The following ERCC4 variants were observed in gnomAD, a reference collection of about 807,000 sequenced individuals.
The protein encoded by ERCC4 is ERCC excision repair 4, endonuclease catalytic subunit, also known as DNA repair endonuclease XPF.
Under a neutral mutation model 76.9 loss-of-function variants are expected in ERCC4, and 65 were observed. The ratio of observed to expected loss-of-function variants is 0.84; its 90% confidence interval spans 0.69 to 1.04. The LOEUF (loss-of-function observed/expected upper bound fraction) is 1.04, where lower values mean the gene tolerates loss of function less well. Ranked by LOEUF, ERCC4 falls within the 50% of genes least tolerant of loss-of-function variation. ERCC4 has a pLI of 0.00. For missense variants in ERCC4, 1,214 were observed against 1,128.2 expected (o/e 1.08, Z -1.09); for synonymous variants, 463 against 410.1 (o/e 1.13, Z -1.56).
chr16:13,924,432 T>C (rs1260299912), intron 2 of ERCC4, among the ~76,000 whole-genome samples: 3 of 152,208 alleles, frequency 2.0e-5, no homozygotes, highest in Admixed American at 6.5e-5. Context: ...ATATATGTAT[T>C]TTTCAGTTAC....
At position 13,934,208 on chromosome 16, in the gene ERCC4, G is replaced by A; in HGVS notation, c.1119G>A (p.Leu373=). 1.2e-6 allele frequency: 2 copies of A among 1,610,272 alleles called. No individual in the cohort carries two copies. Among genetic ancestry groups the A allele is most frequent in the Non-Finnish European group, 1.7e-6 (2 of 1,177,230 alleles). The change falls in exon 7 of 11, where the codon CTG becomes CTA. Residue 373 remains leucine, a synonymous_variant. Transcript: ENST00000311895. ...TCTCTACAGAAACAAAAAAGGAACT[G>A]GTCCTAGAAAGCAACCCAAAGTGGG... ...IKEGEETKKE[L]VLESNPKWEA...
rs763789717 is a variant in ERCC4, at chr16:13,932,164, G to A, written c.981G>A (p.Leu327=). 1.2e-6 allele frequency: 2 copies of A among 1,613,448 alleles called. No individual in the cohort carries two copies. The highest frequency in any genetic ancestry group is 1.7e-6 in the Non-Finnish European group (2 of 1,179,480). Residue 327 remains leucine, a synonymous_variant, in exon 6 of 11, where the codon CTG becomes CTA. Coordinates refer to ENST00000311895, the MANE Select transcript of ERCC4 (RefSeq NM_005236.3). ...EKAFGQNSGW[L]FLDSSTSMFI... is the part of the protein sequence containing the mutation. ...TTTAACTTTTCGTATTAGGTTGGCT[G>A]TTTCTTGACTCCAGCACCTCGATGT...
At position 13,935,031 on chromosome 16, in the gene ERCC4, A is replaced by C. The variant is rs942365751; in HGVS notation, c.1214-115A>C. On this transcript the variant is annotated intron_variant, in intron 7 of 10. Transcript: ENST00000311895. ...TTTTTAAATAGTTTGTAAATTGTGGATCTTTAATACCAAAGGGTAAGATGT... is the reference window on the plus strand; with the variant it reads ...TTTTTAAATAGTTTGTAAATTGTGGCTCTTTAATACCAAAGGGTAAGATGT... 3.9e-5 allele frequency: 32 copies of C among 822,642 alleles called. No homozygotes were observed. The African/African-American group carries it at 5.2e-4, about 13-fold the overall frequency. The allele number at this position is 822,642 out of a possible 1,614,324, so 51.0% of individuals were successfully genotyped here.
At chr16:13,923,098 T>TA (rs1397612385) in intron 2 of ERCC4, among the ~76,000 whole-genome samples, 1 of 152,212 alleles carries the variant, frequency 6.6e-6, no homozygotes, top group African/African-American at 2.4e-5. Flanking sequence ...TAGCTAGAAT[T>TA]AAATAGAAAA....
chr16:13,920,727 G>A (rs935619859), intron 1 of ERCC4, among the ~76,000 whole-genome samples: 6 of 152,026 alleles, frequency 3.9e-5, no homozygotes, highest in African/African-American at 1.4e-4. Flanking sequence ...GAGAGGGAAG[G>A]GAGGGGTCCC....
intron 2 of ERCC4, chr16:13,922,609 G>T: frequency 1.6e-6 from 1 of 622,956 alleles, no homozygotes; most frequent in South Asian, 1.6e-5. Context: ...GGCACAGTTC[G>T]TGCAGCAAAT....
intron 5 of ERCC4, chr16:13,931,856 C>T (rs1172769868): frequency 1.2e-5 from 4 of 321,874 alleles, no homozygotes; most frequent in East Asian, 1.0e-4. Flanking sequence ...CTTGCTTTTA[C>T]GCCATCACTG....
intron 9 of ERCC4, among the ~76,000 whole-genome samples, chr16:13,941,742 A>T (rs984368297): frequency 6.6e-6 from 1 of 152,234 alleles, no homozygotes; most frequent in African/African-American, 2.4e-5. Flanking sequence ...CTCAGTATAC[A>T]TAGCTTTGAG....
rs146218392 is a variant in ERCC4 at position 13,937,962 on chromosome 16, T to C, written c.1904+104T>C. The C allele has an allele frequency of 1.1e-3, 844 of 763,332 alleles. 8 individuals are homozygous for C. Among genetic ancestry groups the C allele is most frequent in the South Asian group, 1.5e-3 (102 of 70,150 alleles). The allele number at this position is 763,332 out of a possible 1,614,324, so 47.3% of individuals were successfully genotyped here. A position where few individuals can be genotyped will look rare whatever the true frequency, so the allele number is the denominator to read the frequency against. ...CAGGAAGGATAGGGCAAGGAAGACG[T>C]TGGAGAGGATCACATTGAGATAAAC... On this transcript the variant is annotated intron_variant, in intron 9 of 10. Coordinates refer to ENST00000311895, the MANE Select transcript of ERCC4 (RefSeq NM_005236.3).
At chr16:13,920,700 C>T (rs1002685555) in intron 1 of ERCC4, among the ~76,000 whole-genome samples, 1 of 151,856 alleles carries the variant, frequency 6.6e-6, no homozygotes, top group South Asian at 2.1e-4. Flanking sequence ...CAGTCCCTGA[C>T]ACTGTGCGGG....
chr16:13,920,472 G>T (rs1275698705), intron 1 of ERCC4, 100 bp downstream of exon 1: 1 of 1,085,898 alleles, frequency 9.2e-7, no homozygotes. Flanking sequence ...GCTCTGAGGG[G>T]GATTCAGGCC....
rs777006157 is a variant in ERCC4, at chr16:13,935,694, G to A, written c.1762G>A (p.Val588Ile). The A allele has an allele frequency of 7.0e-5, 113 of 1,614,058 alleles. No homozygotes were observed. Among genetic ancestry groups the A allele is most frequent in the Non-Finnish European group, 9.0e-5 (106 of 1,180,034 alleles). Reference sequence around the variant, plus strand: ...TCTTTATGACGCAGAGCTAACCTTTGTTCGGCAGCTTGAAATTTACAGGGC... The same window carrying A: ...TCTTTATGACGCAGAGCTAACCTTTATTCGGCAGCTTGAAATTTACAGGGC... ...VVLYDAELTF[V>I]RQLEIYRASR... The change falls in exon 8 of 11, where the codon GTT becomes ATT. Residue 588 changes from valine to isoleucine, a missense_variant. Transcript: ENST00000311895.
chr16:13,947,465 T>C, intron 10 of ERCC4, 149 bp from the exon 11 acceptor site: 1 of 927,268 alleles, frequency 1.1e-6, no homozygotes, highest in Non-Finnish European at 1.6e-6. Flanking sequence ...CAAATCTTTT[T>C]GAAAATATAG....
chr16:13,946,218 A>G (rs890748398), intron 10 of ERCC4, among the ~76,000 whole-genome samples: 1 of 152,166 alleles, frequency 6.6e-6, no homozygotes, highest in East Asian at 1.9e-4. Context: ...TAATCTCCCA[A>G]TCTCAAAATG....
At chr16:13,926,494 A>G in intron 2 of ERCC4, 67 bp from the exon 3 acceptor site, 2 of 1,393,816 alleles carry the variant, frequency 1.4e-6, no homozygotes, top group East Asian at 4.6e-5. Context: ...GTACTTAAGA[A>G]AAATGTGATG....
chr16:13,935,582 C>T lies in ERCC4; in HGVS notation c.1650C>T (p.Pro550=), dbSNP rs1217460973. Residue 550 remains proline (P), a synonymous_variant, in exon 8 of 11, where the codon CCC becomes CCT. Coordinates refer to ENST00000311895, the MANE Select transcript of ERCC4 (RefSeq NM_005236.3). ...SDAAFGILKE[P]LTIIHPLLGC... ...CTGCTTTCGGAATCCTGAAAGAACC[C>T]CTCACTATCATCCATCCGCTTCTGG... The T allele has an allele frequency of 3.1e-6, 5 of 1,614,132 alleles. No individual in the cohort carries two copies. Among genetic ancestry groups the T allele is most frequent in the South Asian group, 1.1e-5 (1 of 91,082 alleles).
rs775072094 is a variant in ERCC4 at position 13,932,156 on chromosome 16, G to A, written c.974-1G>A. On this transcript the variant is annotated splice_acceptor_variant, in intron 5 of 10. Transcript: ENST00000311895. LOFTEE classifies it high-confidence loss of function. ...CTTTTTCTTTTAACTTTTCGTATTA[G>A]GTTGGCTGTTTCTTGACTCCAGCAC... The A allele has an allele frequency of 6.2e-7, 1 of 1,612,902 alleles. No individual in the cohort carries two copies. Among genetic ancestry groups the A allele is most frequent in the South Asian group, 1.1e-5 (1 of 91,044 alleles).
At position 13,920,259 on chromosome 16, in the gene ERCC4, C is replaced by G. The variant is rs1451460766; in HGVS notation, c.94C>G (p.Leu32Val). The change falls in exon 1 of 11, where the codon CTA becomes GTA. Residue 32 changes from leucine to valine, a missense_variant. Leu to Val is a conservative substitution (Grantham distance 32). Coordinates refer to ENST00000311895, the MANE Select transcript of ERCC4 (RefSeq NM_005236.3). ...GCTGGAACTGCTCGACACTGACGGG[C>G]TAGTAGTGTGCGCCCGCGGGCTCGG... ...LVLELLDTDGLVVCARGLGAD... is the reference protein window; with the variant it reads ...LVLELLDTDGVVVCARGLGAD... 2 of 1,607,242 alleles carry G rather than the reference C, an allele frequency of 1.2e-6. No homozygotes were observed. Among genetic ancestry groups the G allele is most frequent in the South Asian group, 1.1e-5 (1 of 91,076 alleles).
Position 13,949,384 on chromosome 16 carries a change from A to T in ERCC4, c.*1037A>T, listed in dbSNP as rs551248118. 1.4e-4 allele frequency: 32 copies of T among 233,440 alleles called. No individual in the cohort carries two copies. The highest frequency in any genetic ancestry group is 7.0e-4 in the African/African-American group (32 of 45,456). The allele number at this position is 233,440 out of a possible 1,614,324, so 14.5% of individuals were successfully genotyped here. On this transcript the variant is annotated 3_prime_UTR_variant, in exon 11 of 11. Transcript: ENST00000311895. ...ACCACTGCACCCCTGCCTGGGCGAC[A>T]GAGTGAGACTTTGTCTCTATTACAA...
Sources: allele counts gnomAD v4.1 joint callset (sites outside exome capture counted in the v4.1 genomes callset), GRCh38; gene constraint gnomAD v4.1.1; transcripts MANE v1.5; gene names NCBI Gene and HGNC (gene_info 2026-07-23, HGNC 2026-07-21).